Variants in PIEZO2 observed in about 807,000 individuals in gnomAD.
PIEZO2 encodes the protein piezo type mechanosensitive ion channel component 2, also known as piezo-type mechanosensitive ion channel component 2.
Under a neutral mutation model 337.3 loss-of-function variants are expected in PIEZO2, and 172 were observed. That is an observed-to-expected ratio of 0.51 (90% confidence interval 0.45 to 0.58). The LOEUF (loss-of-function observed/expected upper bound fraction) is 0.58, where lower values mean the gene tolerates loss of function less well. Among genes scored for constraint, PIEZO2 ranks in the 20% least tolerant of loss-of-function variants. The pLI, the probability that PIEZO2 is intolerant of heterozygous loss-of-function variation, is 0.00. For synonymous variants in PIEZO2, 1,251 were observed against 1,228.5 expected (o/e 1.02, Z -0.38); for missense variants, 3,028 against 3,391.3 (o/e 0.89, Z 2.66).
At position 11,002,482 on chromosome 18, in the gene PIEZO2, T is replaced by C. The variant is rs771767596; in HGVS notation, c.161-22822A>G. On this transcript the variant is annotated intron_variant, in intron 2 of 55. Coordinates refer to ENST00000674853, the MANE Select transcript of PIEZO2 (RefSeq NM_001378183.1). This position sits in a 1 kb window ranked among gnomAD's most constrained non-coding sequence, Gnocchi z 4.3. The stretch of plus-strand genomic sequence containing the variant: ...CAAACAAAGCACAGTGTTGACCCAT[T>C]TGCAACACATCGTAAACACCAGCAC... 2.5e-4 allele frequency among the ~76,000 whole-genome samples: 38 copies of C among 152,310 alleles called. No homozygotes were observed. The highest frequency in any genetic ancestry group is 9.1e-4 in the African/African-American group (38 of 41,570).
At chr18:10,905,266 T>G (rs990346624) in intron 4 of PIEZO2, among the ~76,000 whole-genome samples, 2 of 152,112 alleles carry the variant, frequency 1.3e-5, no homozygotes, top group Non-Finnish European at 2.9e-5. Context: ...TATCTCTCCA[T>G]GCCATGTACT....
chr18:10,936,922 T>G (rs2032432640), intron 3 of PIEZO2, among the ~76,000 whole-genome samples: 1 of 152,108 alleles, frequency 6.6e-6, no homozygotes, highest in African/African-American at 2.4e-5. Flanking sequence ...AGCTACTGAC[T>G]CCCTCCTTGT....
rs2040812355 is a variant in PIEZO2, at chr18:11,146,378, A to G, written c.64+2147T>C. On this transcript the variant is annotated intron_variant, in intron 1 of 55. Transcript: ENST00000674853. The surrounding 1 kb of genome is among the most constrained non-coding windows in gnomAD (Gnocchi z 6.1). ...AGGAGGTGAACAGTGTGCGGGCACC[A>G]CAGAAGAAGCTCGGTGGGGGTCCCA... Among the ~76,000 whole-genome samples, 1 of 152,098 alleles carries G rather than the reference A, an allele frequency of 6.6e-6. No individual in the cohort carries two copies. The highest frequency in any genetic ancestry group is 2.1e-4 in the South Asian group (1 of 4,828).
At position 10,715,810 on chromosome 18, in the gene PIEZO2, A is replaced by G; in HGVS notation, c.5096T>C (p.Ile1699Thr). ...IKKKSDGPDN[I>T]IKRIFNILKF... ...CAAAATATTAAATATCCTCTTGATG[A>G]TATTATCTAGGAGGAAGAAAGGCAA... The change falls in exon 38 of 56, where the codon ATC (isoleucine) becomes ACC (threonine). Residue 1699 changes from isoleucine (I) to threonine (T), a missense_variant. Ile to Thr is a moderately conservative substitution (Grantham distance 89). Around this residue, in one of 5 missense-constraint regions of PIEZO2, gnomAD observed 1,925 missense variants for 2,051.9 expected, o/e 0.94. Coordinates refer to ENST00000674853, the MANE Select transcript of PIEZO2 (RefSeq NM_001378183.1). The G allele has an allele frequency of 6.6e-7, 1 of 1,525,052 alleles. No individual in the cohort carries two copies. The highest frequency in any genetic ancestry group is 1.7e-4 in the Middle Eastern group (1 of 5,902). 94.5% of individuals were successfully genotyped at this position (1,525,052 alleles called of 1,614,324 possible).
rs1465917904 is a variant in PIEZO2 at position 11,092,540 on chromosome 18, C to G, written c.65-26318G>C. On this transcript the variant is annotated intron_variant, in intron 1 of 55. Coordinates refer to ENST00000674853, the MANE Select transcript of PIEZO2 (RefSeq NM_001378183.1). The surrounding 1 kb of genome is among the most constrained non-coding windows in gnomAD (Gnocchi z 4.5). ...ATATTTTCTAGAATTAGCATAAATA[C>G]TTTTGAAACCAGGAAAATAAGTTAT... 6.6e-6 allele frequency among the ~76,000 whole-genome samples: 1 copy of G among 152,142 alleles called. No homozygotes were observed. Among genetic ancestry groups the G allele is most frequent in the Non-Finnish European group, 1.5e-5 (1 of 68,014 alleles).
chr18:11,064,765 G>C (rs1227178458), intron 2 of PIEZO2, among the ~76,000 whole-genome samples: 1 of 152,184 alleles, frequency 6.6e-6, no homozygotes, highest in Non-Finnish European at 1.5e-5. Context: ...AAAAGTGATA[G>C]GTAACTTAAT....
In PIEZO2 at chr18:10,775,434, T is replaced by C. The variant is rs2038750220; in HGVS notation, c.2535-1396A>G. On this transcript the variant is annotated intron_variant, in intron 18 of 55. Transcript: ENST00000674853. This position sits in a 1 kb window ranked among gnomAD's most constrained non-coding sequence, Gnocchi z 4.3. ...GGGATGCATTTTATAAATGAAAAGA[T>C]ACCTTTATTAAGACAAGGAATTCGG... Among the ~76,000 whole-genome samples, 1 of 152,214 alleles carries C rather than the reference T, an allele frequency of 6.6e-6. No homozygotes were observed. The highest frequency in any genetic ancestry group is 2.4e-5 in the African/African-American group (1 of 41,454).
At position 10,781,576 on chromosome 18, in the gene PIEZO2, T is replaced by A. The variant is rs1353369051; in HGVS notation, c.2493-1210A>T. 6.6e-6 allele frequency among the ~76,000 whole-genome samples: 1 copy of A among 152,146 alleles called. No homozygotes were observed. Among genetic ancestry groups the A allele is most frequent in the East Asian group, 1.9e-4 (1 of 5,202 alleles). ...GTTATACGTTATAATTCTTATAATA[T>A]GAAATTCTATCAATATATAGGTGAA... On this transcript the variant is annotated intron_variant, in intron 17 of 55. Coordinates refer to ENST00000674853, the MANE Select transcript of PIEZO2 (RefSeq NM_001378183.1). The surrounding 1 kb of genome is among the most constrained non-coding windows in gnomAD (Gnocchi z 4.1).
At chr18:10,818,553 A>G (rs539088596) in intron 7 of PIEZO2, among the ~76,000 whole-genome samples, 2 of 152,222 alleles carry the variant, frequency 1.3e-5, no homozygotes, top group Admixed American at 6.5e-5. Context: ...CAGGATCAAT[A>G]GTAATATAGG....
chr18:11,143,662 C>CTT lies in PIEZO2; in HGVS notation c.64+4862_64+4863insAA, dbSNP rs2040730313. Among the ~76,000 whole-genome samples the CTT allele has an allele frequency of 1.3e-5, 2 of 150,806 alleles. No homozygotes were observed. The highest frequency in any genetic ancestry group is 4.9e-5 in the African/African-American group (2 of 41,130). ...ACACTCTCTCTCTCTCTCTCTCTCT[C>CTT]TCTCTCTCTCACTCTCTCTCTCTCA... On this transcript the variant is annotated intron_variant, in intron 1 of 55. Transcript: ENST00000674853. This position sits in a 1 kb window ranked among gnomAD's most constrained non-coding sequence, Gnocchi z 4.9.
intron 2 of PIEZO2, among the ~76,000 whole-genome samples, chr18:11,049,498 A>G (rs1459426031): frequency 1.3e-5 from 2 of 152,332 alleles, no homozygotes; most frequent in East Asian, 3.9e-4. Flanking sequence ...AACTCAAGTG[A>G]ACTAACTCAA....
rs546380008 is a variant in PIEZO2, at chr18:10,919,889, A to G, written c.287-8661T>C. 3.5e-4 allele frequency among the ~76,000 whole-genome samples: 54 copies of G among 152,236 alleles called. 1 individual carries two copies. Among genetic ancestry groups the G allele is most frequent in the Non-Finnish European group, 5.0e-4 (34 of 68,012 alleles). On this transcript the variant is annotated intron_variant, in intron 3 of 55. Transcript: ENST00000674853. ...CACACACAGAGTAAGTTGAGTTACT[A>G]GTAAAAATCCCTTTAAGAACCTTGA...
intron 21 of PIEZO2, among the ~76,000 whole-genome samples, chr18:10,765,163 C>G (rs2038299952): frequency 6.6e-6 from 1 of 152,214 alleles, no homozygotes; most frequent in African/African-American, 2.4e-5. Context: ...TGGAGGCACA[C>G]AGGCACTTGG....
At chr18:10,778,042 A>AAGTCTTTAC (rs1452856807) in intron 18 of PIEZO2, among the ~76,000 whole-genome samples, 2 of 152,270 alleles carry the variant, frequency 1.3e-5, no homozygotes, top group Admixed American at 1.3e-4. Context: ...CTACCTTACA[A>AAGTCTTTAC]CTTGTAAAGT....
rs989030418 is a variant in PIEZO2, at chr18:11,123,218, T to C, written c.64+25307A>G. 2.0e-5 allele frequency among the ~76,000 whole-genome samples: 3 copies of C among 152,182 alleles called. No individual in the cohort carries two copies. The East Asian group carries it at 5.8e-4, about 29-fold the overall frequency. On this transcript the variant is annotated intron_variant, in intron 1 of 55. Coordinates refer to ENST00000674853, the MANE Select transcript of PIEZO2 (RefSeq NM_001378183.1). Reference sequence around the variant, plus strand: ...AACATATTTGCACTAAATGGAATATTAGTCTTTCTAGATATACACAATTAC... The same window carrying C: ...AACATATTTGCACTAAATGGAATATCAGTCTTTCTAGATATACACAATTAC...
At position 11,109,025 on chromosome 18, in the gene PIEZO2, G is replaced by A. The variant is rs4278814; in HGVS notation, c.64+39500C>T. On this transcript the variant is annotated intron_variant, in intron 1 of 55. Transcript: ENST00000674853. This position sits in a 1 kb window ranked among gnomAD's most constrained non-coding sequence, Gnocchi z 5.1. ...GTACCACCAGCACCAAGGTGGGGGC[G>A]AACCCAGCCCACCAACAACTGCAGC... is the stretch of plus-strand genomic sequence containing the variant. 0.33 allele frequency among the ~76,000 whole-genome samples: 50,538 copies of A among 152,120 alleles called. 9,499 individuals are homozygous for A. Among genetic ancestry groups the A allele is most frequent in the South Asian group, 0.45 (2,147 of 4,824 alleles).
intron 16 of PIEZO2, 126 bp downstream of exon 16, chr18:10,786,910 C>A: frequency 1.0e-6 from 1 of 964,234 alleles, no homozygotes; most frequent in Non-Finnish European, 1.5e-6. Context: ...GTTTTAATTT[C>A]TATTATTGAG....
Position 10,726,482 on chromosome 18 carries a change from C to T in PIEZO2, c.5029+4925G>A. Reference sequence around the variant, plus strand: ...CCACGAGGAGGGCCTGGCCACCCTGCACAGCGTGCTGCTCCGCAAGCAGCC... The same window carrying T: ...CCACGAGGAGGGCCTGGCCACCCTGTACAGCGTGCTGCTCCGCAAGCAGCC... On this transcript the variant is annotated intron_variant, in intron 36 of 55. Coordinates refer to ENST00000674853, the MANE Select transcript of PIEZO2 (RefSeq NM_001378183.1). The surrounding 1 kb of genome is among the most constrained non-coding windows in gnomAD (Gnocchi z 5.9). 1.3e-6 allele frequency: 2 copies of T among 1,519,854 alleles called. No individual in the cohort carries two copies. Among genetic ancestry groups the T allele is most frequent in the East Asian group, 4.9e-5 (2 of 40,712 alleles). 94.1% of individuals were successfully genotyped at this position (1,519,854 alleles called of 1,614,324 possible). A position where few individuals can be genotyped will look rare whatever the true frequency, so the allele number is the denominator to read the frequency against.
In PIEZO2 at chr18:10,833,558, T is replaced by C. The variant is rs1656523866; in HGVS notation, c.917+21795A>G. Among the ~76,000 whole-genome samples the C allele has an allele frequency of 6.6e-6, 1 of 152,108 alleles. No homozygotes were observed. The highest frequency in any genetic ancestry group is 2.1e-4 in the South Asian group (1 of 4,824). ...TCTGTGCCCCCAGTTACTACAAGGATGAGAGATTGTACAGCCCAAACTGCA... is the reference window on the plus strand; with the variant it reads ...TCTGTGCCCCCAGTTACTACAAGGACGAGAGATTGTACAGCCCAAACTGCA... On this transcript the variant is annotated intron_variant, in intron 7 of 55. Transcript: ENST00000674853. The surrounding 1 kb of genome is among the most constrained non-coding windows in gnomAD (Gnocchi z 4.7).
Sources: gnomAD v4.1 joint callset for allele counts (sites outside exome capture counted in the v4.1 genomes callset) on GRCh38, gnomAD v4.1.1 for gene constraint, gnomAD v4.1.1 regional missense constraint, Gnocchi (gnomAD v3.1) non-coding constraint, MANE v1.5 for transcripts, NCBI Gene and HGNC (gene_info 2026-07-23, HGNC 2026-07-21) for gene names.